The following MAP1LC3A variants were observed in gnomAD, a reference collection of about 807,000 sequenced individuals.
The protein encoded by MAP1LC3A is microtubule-associated protein 1 light chain 3 alpha.
Under a neutral mutation model 15.2 loss-of-function variants are expected in MAP1LC3A, and 10 were observed. The observed-to-expected ratio is 0.66, with a 90% CI of 0.41 to 1.12. The LOEUF (loss-of-function observed/expected upper bound fraction) is 1.12, where lower values mean the gene tolerates loss of function less well. Ranked by LOEUF, MAP1LC3A falls within the 50% of genes most tolerant of loss-of-function variation. The pLI, the probability that MAP1LC3A is intolerant of heterozygous loss-of-function variation, is 0.00. For missense variants in MAP1LC3A, 138 were observed against 167.3 expected (o/e 0.82, Z 0.97); for synonymous variants, 63 against 64.3 (o/e 0.98, Z 0.10).
intron 1 of MAP1LC3A, chr20:34,549,884 T>G (rs548906962): frequency 1.1e-5 from 12 of 1,047,804 alleles, no homozygotes; most frequent in Non-Finnish European, 1.8e-5. Context: ...CCGTGCTGAT[T>G]GCAGGCCCTG....
At chr20:34,555,025 GTTTTT>G (rs1361335054), upstream of MAP1LC3A, among the ~76,000 whole-genome samples, 1 of 150,702 alleles carries the variant, frequency 6.6e-6, no homozygotes, top group South Asian at 2.1e-4. Flanking sequence ...TGTTGTTGTT[GTTTTT>G]TGTTTGTTTT....
At chr20:34,556,255 G>A (rs564156755), upstream of MAP1LC3A, among the ~76,000 whole-genome samples, 3 of 152,294 alleles carry the variant, frequency 2.0e-5, no homozygotes, top group South Asian at 2.1e-4. Flanking sequence ...TGGAGCTTAC[G>A]CGGCTTTTGT....
At chr20:34,555,316 T>C (rs1364994762), upstream of MAP1LC3A, among the ~76,000 whole-genome samples, 1 of 152,086 alleles carries the variant, frequency 6.6e-6, no homozygotes, top group Non-Finnish European at 1.5e-5. Context: ...AGCTAACTTC[T>C]GTATTTTTAG....
upstream of MAP1LC3A, among the ~76,000 whole-genome samples, chr20:34,555,862 T>G (rs1982137803): frequency 6.7e-6 from 1 of 149,736 alleles, no homozygotes. Context: ...TTTTTTTTTT[T>G]GATGGAGTCT....
At chr20:34,548,854 C>T (rs1051475996) in intron 1 of MAP1LC3A, among the ~76,000 whole-genome samples, 4 of 151,628 alleles carry the variant, frequency 2.6e-5, no homozygotes, top group South Asian at 4.2e-4. Context: ...TACAGGCGCC[C>T]GCCACCATGC....
chr20:34,555,963 C>A (rs1982142591), upstream of MAP1LC3A, among the ~76,000 whole-genome samples: 1 of 152,064 alleles, frequency 6.6e-6, no homozygotes, highest in Admixed American at 6.5e-5. Context: ...CTGCCTCAGC[C>A]TCCCGAGTAG....
upstream of MAP1LC3A, among the ~76,000 whole-genome samples, chr20:34,556,473 A>G (rs1224009130): frequency 6.6e-6 from 1 of 151,846 alleles, no homozygotes; most frequent in Non-Finnish European, 1.5e-5. Flanking sequence ...TAGTAACTGT[A>G]TTAACATCCT....
chr20:34,560,218 C>T lies in MAP1LC3A; in HGVS notation c.*320C>T. ...TGCCCCTCACCCACCCGAGGCTCTG[C>T]CCACCGCCTGGACCTGCCCACCCCT... On this transcript the variant is annotated 3_prime_UTR_variant, in exon 4 of 4. Coordinates refer to ENST00000360668, the MANE Select transcript of MAP1LC3A (RefSeq NM_032514.4). 3.4e-6 allele frequency: 1 copy of T among 293,930 alleles called. No homozygotes were observed. Among genetic ancestry groups the T allele is most frequent in the South Asian group, 4.5e-5 (1 of 22,040 alleles). The allele number at this position is 293,930 out of a possible 1,614,324, so 18.2% of individuals were successfully genotyped here.
At position 34,548,768 on chromosome 20, in the gene MAP1LC3A, C is replaced by T. The variant is rs545752107; in HGVS notation, c.-73-1137C>T. ...TCTCCCAGGCTGGAGTGCAATGGCACAATCTCGACTCACTAAAACCTCCGC... is the reference window on the plus strand; with the variant it reads ...TCTCCCAGGCTGGAGTGCAATGGCATAATCTCGACTCACTAAAACCTCCGC... On this transcript the variant is annotated intron_variant, in intron 1 of 4. Transcript: ENST00000374837. 7.3e-5 allele frequency among the ~76,000 whole-genome samples: 11 copies of T among 151,200 alleles called. No homozygotes were observed. In the South Asian group the frequency reaches 2.3e-3, roughly 31 times the overall value.
At chr20:34,558,491 G>T, upstream of MAP1LC3A, 1 of 1,032,530 alleles carries the variant, frequency 9.7e-7, no homozygotes, top group Non-Finnish European at 1.2e-6. This position sits in a 1 kb window ranked among gnomAD's most constrained non-coding sequence, Gnocchi z 4.3. Flanking sequence ...CGGCCCCACC[G>T]CCCTCCGGGC....
intron 2 of MAP1LC3A, among the ~76,000 whole-genome samples, chr20:34,551,900 T>C (rs906700142): frequency 6.6e-6 from 1 of 152,164 alleles, no homozygotes; most frequent in African/African-American, 2.4e-5. Context: ...AATACTGACA[T>C]GAATGTGAAA....
At chr20:34,559,048 G>A in intron 1 of MAP1LC3A, 140 bp downstream of exon 1, 4 of 1,330,400 alleles carry the variant, frequency 3.0e-6, no homozygotes, top group South Asian at 1.9e-5. Context: ...GGCGGGGGCT[G>A]CCCGCTTCCC....
chr20:34,552,122 C>T (rs1160913143), intron 2 of MAP1LC3A, among the ~76,000 whole-genome samples: 2 of 152,180 alleles, frequency 1.3e-5, no homozygotes, highest in Non-Finnish European at 2.9e-5. Context: ...CTCAGCCTCC[C>T]CAGTGGCTGG....
chr20:34,549,214 AG>A (rs1568609323), intron 1 of MAP1LC3A, among the ~76,000 whole-genome samples: 1 of 147,544 alleles, frequency 6.8e-6, no homozygotes, highest in Non-Finnish European at 1.5e-5. Context: ...TTAGTAGAGA[AG>A]GGGTTTCGCC....
At chr20:34,548,183 A>T (rs1275446855) in intron 1 of MAP1LC3A, among the ~76,000 whole-genome samples, 1 of 152,088 alleles carries the variant, frequency 6.6e-6, no homozygotes, top group Non-Finnish European at 1.5e-5. Flanking sequence ...GAAAGAGATG[A>T]CTTCCTTTGG....
At chr20:34,551,443 G>A (rs1981944105) in intron 2 of MAP1LC3A, among the ~76,000 whole-genome samples, 1 of 150,124 alleles carries the variant, frequency 6.7e-6, no homozygotes, top group Non-Finnish European at 1.5e-5. Context: ...GAGGCCCAAG[G>A]AACCTTCCAA....
upstream of MAP1LC3A, among the ~76,000 whole-genome samples, chr20:34,555,641 G>T (rs917318783): frequency 6.6e-6 from 1 of 151,750 alleles, no homozygotes; most frequent in Non-Finnish European, 1.5e-5. Flanking sequence ...ATGTAATAAG[G>T]CTATAAATCT....
chr20:34,551,906 T>C (rs1206399236), intron 2 of MAP1LC3A, among the ~76,000 whole-genome samples: 1 of 152,176 alleles, frequency 6.6e-6, no homozygotes, highest in African/African-American at 2.4e-5. Context: ...GACATGAATG[T>C]GAAAGACTGA....
Position 34,559,208 on chromosome 20 carries a change from C to G in MAP1LC3A, c.41C>G (p.Ala14Gly), listed in dbSNP as rs1405427684. 1 of 1,594,280 alleles carries G rather than the reference C, an allele frequency of 6.3e-7. No homozygotes were observed. The highest frequency in any genetic ancestry group is 2.3e-5 in the East Asian group (1 of 43,348). Residue 14 changes from alanine (A) to glycine (G), a missense_variant and splice_region_variant, in exon 2 of 4, where the codon GCC becomes GGC. By Grantham distance (60) the Ala-to-Gly change is moderately conservative. Coordinates refer to ENST00000360668, the MANE Select transcript of MAP1LC3A (RefSeq NM_032514.4). ...DRPFKQRRSF[A>G]DRCKEVQQIR... ...CTCACGGTCTGGCCGCTGTCCGCAG[C>G]CGACCGCTGTAAGGAGGTACAGCAG...
Sources: gnomAD v4.1 joint callset for allele counts (sites outside exome capture counted in the v4.1 genomes callset) on GRCh38, gnomAD v4.1.1 for gene constraint, Gnocchi (gnomAD v3.1) non-coding constraint, MANE v1.5 for transcripts, NCBI Gene and HGNC (gene_info 2026-07-23, HGNC 2026-07-21) for gene names.